The following INPP4B variants were observed in gnomAD, a reference collection of about 807,000 sequenced individuals.
INPP4B encodes inositol polyphosphate 4-phosphatase type II.
Under a neutral mutation model 122.5 loss-of-function variants are expected in INPP4B, and 55 were observed. The ratio of observed to expected loss-of-function variants is 0.45; its 90% CI spans 0.36 to 0.56. The LOEUF (loss-of-function observed/expected upper bound fraction) is 0.56, where lower values mean the gene tolerates loss of function less well. INPP4B is among the 20% of genes least tolerant of loss of function. INPP4B has a pLI of 0.00. For missense variants in INPP4B, 1,000 were observed against 1,097.7 expected (o/e 0.91, Z 1.26); for synonymous variants, 403 against 388.7 (o/e 1.04, Z -0.43).
At chr4:142,409,608 G>A (rs796349409) in intron 5 of INPP4B, among the ~76,000 whole-genome samples, 4 of 152,242 alleles carry the variant, frequency 2.6e-5, no homozygotes, top group African/African-American at 4.8e-5. Flanking sequence ...GGGAGGGCTA[G>A]GCACTGAACA....
chr4:142,666,518 TTATTA>T (rs1338838168), intron 2 of INPP4B, among the ~76,000 whole-genome samples: 1 of 152,086 alleles, frequency 6.6e-6, no homozygotes, highest in South Asian at 2.1e-4. Context: ...TCTTAATATT[TTATTA>T]TATTAATGAA....
intron 10 of INPP4B, among the ~76,000 whole-genome samples, chr4:142,269,337 C>T (rs1238213792): frequency 6.6e-6 from 1 of 151,784 alleles, no homozygotes; most frequent in African/African-American, 2.4e-5. Flanking sequence ...CTTACTCTTT[C>T]TCTTTTACAT....
At chr4:142,499,448 G>T (rs1473207284) in intron 2 of INPP4B, among the ~76,000 whole-genome samples, 1 of 152,128 alleles carries the variant, frequency 6.6e-6, no homozygotes, top group Non-Finnish European at 1.5e-5. Flanking sequence ...ATTTAGAATA[G>T]GTTAAAATTG....
At chr4:142,152,134 CACA>C (rs1443063627) in intron 17 of INPP4B, among the ~76,000 whole-genome samples, 2 of 132,912 alleles carry the variant, frequency 1.5e-5, no homozygotes, top group Non-Finnish European at 3.1e-5. Flanking sequence ...AGTGCAGTGC[CACA>C]ATCTCGGCTC....
chr4:142,826,135 A>G (rs56711100), intron 1 of INPP4B, among the ~76,000 whole-genome samples: 1,788 of 152,234 alleles, frequency 0.012, 39 homozygotes, highest in African/African-American at 0.04. Context: ...AAATATATAC[A>G]TATATGAGAA....
rs368917876 is a variant in INPP4B, at chr4:142,645,198, A to G, written c.-191+80641T>C. Among the ~76,000 whole-genome samples the G allele has an allele frequency of 7.9e-5, 12 of 152,308 alleles. No individual in the cohort carries two copies. The East Asian group carries it at 1.7e-3, about 22-fold the overall frequency. The stretch of plus-strand genomic sequence containing the variant: ...TAAATGATGATAATGAGTTTCAGAA[A>G]ATTTATAATCAATAGAATTGGACAA... On this transcript the variant is annotated intron_variant, in intron 2 of 25. Transcript: ENST00000262992.
chr4:142,714,836 T>C (rs904081638), intron 2 of INPP4B, among the ~76,000 whole-genome samples: 8 of 152,164 alleles, frequency 5.3e-5, no homozygotes, highest in Non-Finnish European at 1.0e-4. Context: ...CCCAAATATT[T>C]GCAAAAGATA....
intron 2 of INPP4B, among the ~76,000 whole-genome samples, chr4:142,500,550 T>G (rs567996361): frequency 4.6e-5 from 7 of 152,350 alleles, no homozygotes; most frequent in African/African-American, 1.7e-4. Context: ...GTGTTCTTTA[T>G]AAAAGCTGAA....
At chr4:142,119,516 A>G (rs1795485677) in intron 21 of INPP4B, among the ~76,000 whole-genome samples, 1 of 152,028 alleles carries the variant, frequency 6.6e-6, no homozygotes, top group African/African-American at 2.4e-5. Context: ...TGAAGGTGGA[A>G]ACCATCATTC....
chr4:142,040,799 T>C (rs1292802286), intron 25 of INPP4B, among the ~76,000 whole-genome samples: 1 of 152,208 alleles, frequency 6.6e-6, no homozygotes, highest in Non-Finnish European at 1.5e-5. Flanking sequence ...GGTGTGTTTG[T>C]TGCTAAGGTA....
chr4:142,302,984 C>T (rs1762047571), intron 9 of INPP4B, among the ~76,000 whole-genome samples: 1 of 152,140 alleles, frequency 6.6e-6, no homozygotes, highest in African/African-American at 2.4e-5. Context: ...CCACTTTATA[C>T]ATCAGAGGCA....
intron 1 of INPP4B, among the ~76,000 whole-genome samples, chr4:142,791,679 C>T (rs1454971730): frequency 6.6e-6 from 1 of 152,166 alleles, no homozygotes; most frequent in South Asian, 2.1e-4. Context: ...CCTAATACCT[C>T]GGCCCCCTTG....
At chr4:142,249,605 G>C (rs1275799159) in intron 11 of INPP4B, among the ~76,000 whole-genome samples, 1 of 152,080 alleles carries the variant, frequency 6.6e-6, no homozygotes, top group East Asian at 1.9e-4. Flanking sequence ...AAACATTTGA[G>C]AGCCAAAAAG....
chr4:142,052,777 T>C (rs1015979038), intron 25 of INPP4B, among the ~76,000 whole-genome samples: 10 of 152,154 alleles, frequency 6.6e-5, no homozygotes, highest in Non-Finnish European at 1.5e-4. Context: ...TAAACTTGAC[T>C]TACTAAAATG....
At chr4:142,463,697 A>C (rs1817183715) in intron 2 of INPP4B, among the ~76,000 whole-genome samples, 1 of 152,076 alleles carries the variant, frequency 6.6e-6, no homozygotes, top group Non-Finnish European at 1.5e-5. Flanking sequence ...GTGGTTACCC[A>C]GTGCTGCTGT....
At chr4:142,068,289 TTTGTCACCA>T (rs1225915187) in intron 25 of INPP4B, among the ~76,000 whole-genome samples, 1 of 152,128 alleles carries the variant, frequency 6.6e-6, no homozygotes, top group East Asian at 1.9e-4. Flanking sequence ...GCTGAGAGAT[TTTGTCACCA>T]CCAGGCCTGC....
In INPP4B at chr4:142,227,687, C is replaced by T. The variant is rs189989764; in HGVS notation, c.836+10177G>A. On this transcript the variant is annotated intron_variant, in intron 12 of 25. Coordinates refer to ENST00000262992, the MANE Select transcript of INPP4B (RefSeq NM_001101669.3). ...ACCAGCCTGGCCAACATGACAAAAC[C>T]TTGTCTCTACTAAAACAAAAATTAG... Among the ~76,000 whole-genome samples, 303 of 150,970 alleles carry T rather than the reference C, an allele frequency of 2.0e-3. 3 individuals are homozygous for T. Among genetic ancestry groups the T allele is most frequent in the African/African-American group, 7.0e-3 (287 of 41,182 alleles).
At chr4:142,246,959 G>A (rs371481995) in intron 11 of INPP4B, among the ~76,000 whole-genome samples, 5 of 152,214 alleles carry the variant, frequency 3.3e-5, no homozygotes, top group South Asian at 2.1e-4. Context: ...CTATTATTTC[G>A]AAATATGTTC....
At chr4:142,551,660 C>T (rs904406251) in intron 2 of INPP4B, among the ~76,000 whole-genome samples, 1 of 152,102 alleles carries the variant, frequency 6.6e-6, no homozygotes, top group Non-Finnish European at 1.5e-5. Context: ...GAGTTCTGTT[C>T]TGTGTTATCA....
Sources: gnomAD v4.1 joint callset for allele counts (sites outside exome capture counted in the v4.1 genomes callset) on GRCh38, gnomAD v4.1.1 for gene constraint, MANE v1.5 for transcripts, NCBI Gene and HGNC (gene_info 2026-07-23, HGNC 2026-07-21) for gene names.